CPED1: variants seen among roughly 807,000 people sequenced by gnomAD.
CPED1 encodes the protein cadherin like and PC-esterase domain containing 1.
CPED1 carries 114 observed loss-of-function variants against 128.2 expected under a neutral mutation model. The observed-to-expected ratio is 0.89, with a 90% CI of 0.76 to 1.04. The LOEUF is 1.04. Among genes scored for constraint, CPED1 ranks in the 50% least tolerant of loss-of-function variants. The pLI, the probability that CPED1 is intolerant of heterozygous loss-of-function variation, is 0.00. For missense variants in CPED1, 1,211 were observed against 1,207.1 expected (o/e 1.00, Z -0.05); for synonymous variants, 462 against 426.7 (o/e 1.08, Z -1.02).
At chr7:121,070,986 A>G (rs1307668698) in intron 5 of CPED1, among the ~76,000 whole-genome samples, 1 of 152,192 alleles carries the variant, frequency 6.6e-6, no homozygotes, top group Non-Finnish European at 1.5e-5. Flanking sequence ...GAATAGGAAC[A>G]ACAAGCCCAA....
At chr7:121,030,516 A>G (rs1326229315) in intron 3 of CPED1, among the ~76,000 whole-genome samples, 1 of 152,174 alleles carries the variant, frequency 6.6e-6, no homozygotes, top group Non-Finnish European at 1.5e-5. Context: ...TAACATCTCC[A>G]TGCTGTAGAT....
chr7:121,136,013 T>C, intron 13 of CPED1, 27 bp from the exon 14 acceptor site: 1 of 1,464,358 alleles, frequency 6.8e-7, no homozygotes, highest in East Asian at 2.5e-5. Flanking sequence ...GTTTTTATTT[T>C]AAATTTACAT....
chr7:120,997,935 AATAAAATAAAATAAAATAAAAT>A (rs1562986474), intron 2 of CPED1, among the ~76,000 whole-genome samples: 7 of 123,042 alleles, frequency 5.7e-5, no homozygotes, highest in African/African-American at 2.3e-4. Flanking sequence ...AAAAAAATAA[AATAAAATAAAATAAAATAAAAT>A]AAAATAAAAT....
At chr7:121,038,631 C>G (rs1156687070) in intron 3 of CPED1, among the ~76,000 whole-genome samples, 1 of 151,824 alleles carries the variant, frequency 6.6e-6, no homozygotes, top group Non-Finnish European at 1.5e-5. Context: ...TTCAGATTTT[C>G]TTAGTTTTCA....
At chr7:121,182,464 CCTTT>C (rs1184412217) in intron 16 of CPED1, among the ~76,000 whole-genome samples, 17 of 151,714 alleles carry the variant, frequency 1.1e-4, no homozygotes, top group East Asian at 5.8e-4. Context: ...TCTTTTCTTC[CCTTT>C]CTTTCTTTAT....
At chr7:121,031,766 C>T (rs990510961) in intron 3 of CPED1, among the ~76,000 whole-genome samples, 2 of 152,080 alleles carry the variant, frequency 1.3e-5, no homozygotes, top group African/African-American at 2.4e-5. Flanking sequence ...TTGATTTTCA[C>T]ATCAGTTGAA....
At chr7:121,002,244 T>A (rs916284134) in intron 2 of CPED1, among the ~76,000 whole-genome samples, 1 of 152,084 alleles carries the variant, frequency 6.6e-6, no homozygotes, top group Admixed American at 6.6e-5. Context: ...TAGTGGAAAA[T>A]CTAGTATTAA....
chr7:121,074,509 G>GTGTTTTT, intron 5 of CPED1, among the ~76,000 whole-genome samples: 1 of 80,840 alleles, frequency 1.2e-5, no homozygotes, highest in African/African-American at 4.5e-5. Flanking sequence ...TTTCCTTTGT[G>GTGTTTTT]TTTTTTTTTT....
At chr7:121,000,977 A>G (rs936122069) in intron 2 of CPED1, among the ~76,000 whole-genome samples, 7 of 152,150 alleles carry the variant, frequency 4.6e-5, no homozygotes, top group South Asian at 2.1e-4. Flanking sequence ...TTCAATAAAT[A>G]TTATGTGTGT....
chr7:121,118,242 T>C (rs969851851), intron 7 of CPED1, among the ~76,000 whole-genome samples: 1 of 152,164 alleles, frequency 6.6e-6, no homozygotes, highest in Non-Finnish European at 1.5e-5. Flanking sequence ...AGTGGCATTC[T>C]TTTAATGGAT....
intron 7 of CPED1, among the ~76,000 whole-genome samples, chr7:121,103,679 G>T (rs991326976): frequency 6.6e-6 from 1 of 152,104 alleles, no homozygotes; most frequent in South Asian, 2.1e-4. Context: ...TTTTGTGTGT[G>T]TGTGTGTATG....
chr7:121,117,098 T>TATATATATATATATATATAA (rs1226906588), intron 7 of CPED1, among the ~76,000 whole-genome samples: 8 of 134,658 alleles, frequency 5.9e-5, no homozygotes, highest in African/African-American at 2.2e-4. Flanking sequence ...TATATATATA[T>TATATATATATATATATATAA]AAATATATAT....
At chr7:121,294,067 ATC>A (rs1792770383) in intron 22 of CPED1, among the ~76,000 whole-genome samples, 1 of 151,196 alleles carries the variant, frequency 6.6e-6, no homozygotes, top group African/African-American at 2.4e-5. Context: ...CTTTCCCCCA[ATC>A]TCTCTCGGTC....
At chr7:120,997,147 T>C (rs965505701) in intron 2 of CPED1, among the ~76,000 whole-genome samples, 2 of 152,264 alleles carry the variant, frequency 1.3e-5, no homozygotes, top group African/African-American at 4.8e-5. Flanking sequence ...TGAGAACCTA[T>C]GGAGTTTCAC....
In CPED1 at chr7:121,247,719, C is replaced by G. The variant is rs193171139; in HGVS notation, c.2310+3381C>G. Among the ~76,000 whole-genome samples the G allele has an allele frequency of 3.3e-5, 5 of 152,224 alleles. No homozygotes were observed. In the East Asian group the frequency reaches 9.7e-4, roughly 29 times the overall value. ...ATTTGAGCTGACAGGGGAATCTGTC[C>G]AGAGAGTAGACATAGATGGTACCTG... On this transcript the variant is annotated intron_variant, in intron 18 of 22. Coordinates refer to ENST00000310396, the MANE Select transcript of CPED1 (RefSeq NM_024913.5).
intron 6 of CPED1, among the ~76,000 whole-genome samples, chr7:121,099,235 G>T (rs2896301): frequency 1.1e-3 from 163 of 152,156 alleles, no homozygotes; most frequent in Non-Finnish European, 1.9e-3. Flanking sequence ...CACCCAAACT[G>T]TAATTTATAT....
intron 5 of CPED1, among the ~76,000 whole-genome samples, chr7:121,090,988 G>C (rs1794560220): frequency 6.6e-6 from 1 of 151,978 alleles, no homozygotes; most frequent in Non-Finnish European, 1.5e-5. Flanking sequence ...GAATTGTTCA[G>C]AGTATACAGA....
chr7:121,013,025 G>A (rs369437340), intron 2 of CPED1, among the ~76,000 whole-genome samples: 9 of 152,112 alleles, frequency 5.9e-5, no homozygotes, highest in Admixed American at 5.9e-4. Context: ...TAATAGAGAG[G>A]AGCATCCTGT....
At chr7:121,010,242 C>T (rs1265123156) in intron 2 of CPED1, among the ~76,000 whole-genome samples, 1 of 151,950 alleles carries the variant, frequency 6.6e-6, no homozygotes, top group East Asian at 1.9e-4. Context: ...ATTGGGAATA[C>T]ATTTTTTTTT....
Sources: gnomAD v4.1 joint callset for allele counts (sites outside exome capture counted in the v4.1 genomes callset) on GRCh38, gnomAD v4.1.1 for gene constraint, MANE v1.5 for transcripts, NCBI Gene and HGNC (gene_info 2026-07-23, HGNC 2026-07-21) for gene names.